Variants in TFB2M observed in about 807,000 individuals in gnomAD.
TFB2M encodes dimethyladenosine transferase 2, mitochondrial.
A neutral mutation model predicts 41.3 loss-of-function variants in TFB2M; 44 were observed. The ratio of observed to expected loss-of-function variants is 1.07; its 90% CI spans 0.84 to 1.37. The LOEUF (loss-of-function observed/expected upper bound fraction) is 1.37, where lower values mean the gene tolerates loss of function less well. Ranked by LOEUF, TFB2M falls within the 40% of genes most tolerant of loss-of-function variation. TFB2M has a pLI of 0.00. For missense variants in TFB2M, 496 were observed against 490.2 expected (o/e 1.01, Z -0.11); for synonymous variants, 188 against 176.8 (o/e 1.06, Z -0.50).
rs186841457 is a variant in TFB2M at position 246,555,172 on chromosome 1, C to G, written c.705+1401G>C. The stretch of plus-strand genomic sequence containing the variant: ...TTCATACCATTAGGAGAGGTATTAC[C>G]AAAAACCCAGAAAACGACTCTCAGT... On this transcript the variant is annotated intron_variant, in intron 4 of 7. Transcript: ENST00000366514. 7.2e-3 allele frequency among the ~76,000 whole-genome samples: 1,096 copies of G among 151,406 alleles called. 12 individuals carry two copies. The highest frequency in any genetic ancestry group is 0.025 in the African/African-American group (1,028 of 41,334).
intron 4 of TFB2M, among the ~76,000 whole-genome samples, chr1:246,556,166 A>G (rs1199549512): frequency 3.9e-5 from 6 of 152,228 alleles, no homozygotes; most frequent in African/African-American, 4.8e-5. Flanking sequence ...CCTTGAAAAC[A>G]TTATGCTAAG....
At position 246,564,414 on chromosome 1, in the gene TFB2M, C is replaced by A. The variant is rs772156827; in HGVS notation, c.334G>T (p.Ala112Ser). ...ACTTTGGCACCAGCTTCAAGTAATG[C>A]CTGAGTCAGGATTCCAGGACCTGGC... ...CNPGPGILTQALLEAGAKVVA... is the reference protein window; with the variant it reads ...CNPGPGILTQSLLEAGAKVVA... Residue 112 changes from alanine to serine, a missense_variant, in exon 2 of 8, where the codon GCA becomes TCA. By Grantham distance (99) the Ala-to-Ser change is moderately conservative. Coordinates refer to ENST00000366514, the MANE Select transcript of TFB2M (RefSeq NM_022366.3). The A allele has an allele frequency of 2.5e-6, 4 of 1,614,096 alleles. No individual in the cohort carries two copies. The highest frequency in any genetic ancestry group is 3.4e-6 in the Non-Finnish European group (4 of 1,179,988).
chr1:246,544,967 G>A (rs1041977870), intron 6 of TFB2M, among the ~76,000 whole-genome samples: 11 of 151,940 alleles, frequency 7.2e-5, no homozygotes, highest in South Asian at 4.2e-4. Flanking sequence ...CACCACGCCT[G>A]GCTAATTTTT....
In TFB2M at chr1:246,562,967, C is replaced by G. The variant is rs1322051249; in HGVS notation, c.402+1379G>C. On this transcript the variant is annotated intron_variant, in intron 2 of 7. Coordinates refer to ENST00000366514, the MANE Select transcript of TFB2M (RefSeq NM_022366.3). ...GCCACCGCGCCCGGCCCACAGGAAA[C>G]ATTTTTAAAAGCCGGCCGGCAGAAT... Among the ~76,000 whole-genome samples the G allele has an allele frequency of 2.0e-5, 3 of 152,090 alleles. No homozygotes were observed. The East Asian group carries it at 5.8e-4, about 29-fold the overall frequency.
intron 2 of TFB2M, among the ~76,000 whole-genome samples, chr1:246,560,179 T>C (rs1225449789): frequency 1.3e-5 from 2 of 152,176 alleles, no homozygotes; most frequent in African/African-American, 4.8e-5. Context: ...CAGGGTGGCC[T>C]AGGCAAACCA....
intron 7 of TFB2M, 111 bp from the exon 8 acceptor site, chr1:246,541,313 C>T (rs1416587649): frequency 9.8e-7 from 1 of 1,020,542 alleles, no homozygotes; most frequent in African/African-American, 1.6e-5. Context: ...CTTAGGCATA[C>T]AGAGTGCTAT....
At chr1:246,548,423 G>T in intron 6 of TFB2M, 122 bp downstream of exon 6, 2 of 762,086 alleles carry the variant, frequency 2.6e-6, no homozygotes, top group Non-Finnish European at 4.0e-6. Flanking sequence ...TATGTTTAAA[G>T]AATGTTTCTA....
In TFB2M at chr1:246,566,210, C is replaced by G; in HGVS notation, c.-72G>C. 1 of 1,482,148 alleles carries G rather than the reference C, an allele frequency of 6.7e-7. No homozygotes were observed. The highest frequency in any genetic ancestry group is 2.3e-5 in the East Asian group (1 of 43,338). The allele number at this position is 1,482,148 out of a possible 1,614,324, so 91.8% of individuals were successfully genotyped here. On this transcript the variant is annotated 5_prime_UTR_variant, in exon 1 of 8. Coordinates refer to ENST00000366514, the MANE Select transcript of TFB2M (RefSeq NM_022366.3). ...TACAGTGAACCCCACGCAGGGTATC[C>G]CACGTGGAACATTTTCTGGCGTCCG... is the stretch of plus-strand genomic sequence containing the variant.
chr1:246,565,190 C>T (rs1016014385), intron 1 of TFB2M, among the ~76,000 whole-genome samples: 1 of 152,218 alleles, frequency 6.6e-6, no homozygotes, highest in African/African-American at 2.4e-5. Flanking sequence ...ATCTTGTGTT[C>T]TTAGCATCCT....
At chr1:246,552,929 A>G (rs1054549135) in intron 4 of TFB2M, among the ~76,000 whole-genome samples, 4 of 151,002 alleles carry the variant, frequency 2.6e-5, no homozygotes, top group African/African-American at 9.8e-5. Context: ...AAAGGGAGGG[A>G]AAAAAAACCT....
At position 246,565,279 on chromosome 1, in the gene TFB2M, GGAGAT is replaced by G. The variant is rs1043655532; in HGVS notation, c.313+542_313+546del. On this transcript the variant is annotated intron_variant, in intron 1 of 7. Coordinates refer to ENST00000366514, the MANE Select transcript of TFB2M (RefSeq NM_022366.3). The stretch of plus-strand genomic sequence containing the variant: ...TGGCAGAGGCTTGCAACTCTTTTGG[GGAGAT>G]AAGATCTAAGAGCATGTTTTATCAA... Among the ~76,000 whole-genome samples, 33 of 152,196 alleles carry G rather than the reference GGAGAT, an allele frequency of 2.2e-4. 1 individual carries two copies. Among genetic ancestry groups the G allele is most frequent in the Admixed American group, 1.6e-3 (24 of 15,284 alleles).
chr1:246,542,041 A>G (rs2102981763), intron 7 of TFB2M, among the ~76,000 whole-genome samples: 1 of 152,318 alleles, frequency 6.6e-6, no homozygotes, highest in South Asian at 2.1e-4. Flanking sequence ...TATATGGCAT[A>G]GCCTATTGCT....
chr1:246,541,349 A>T lies in TFB2M; in HGVS notation c.1020-147T>A, dbSNP rs1658850689. ...AATGGACACGGGAGAATCAGCAGGG[A>T]AGAGGATGGGAGGAGGGTGAAGGAT... On this transcript the variant is annotated intron_variant, in intron 7 of 7. Coordinates refer to ENST00000366514, the MANE Select transcript of TFB2M (RefSeq NM_022366.3). The T allele has an allele frequency of 8.3e-6, 6 of 726,872 alleles. No homozygotes were observed. In the South Asian group the frequency reaches 9.7e-5, roughly 12 times the overall value. 45.0% of individuals were successfully genotyped at this position (726,872 alleles called of 1,614,324 possible).
chr1:246,551,418 T>C, intron 4 of TFB2M, 116 bp from the exon 5 acceptor site: 1 of 747,788 alleles, frequency 1.3e-6, no homozygotes, highest in South Asian at 1.8e-5. Context: ...AAAAGAAAAC[T>C]AGAATTAGAT....
At chr1:246,562,635 A>C (rs1215148117) in intron 2 of TFB2M, among the ~76,000 whole-genome samples, 1 of 152,186 alleles carries the variant, frequency 6.6e-6, no homozygotes, top group Non-Finnish European at 1.5e-5. Flanking sequence ...AACCACTGTT[A>C]ATAAGGCAGA....
intron 6 of TFB2M, among the ~76,000 whole-genome samples, chr1:246,545,085 C>G (rs560505516): frequency 6.6e-6 from 1 of 152,030 alleles, no homozygotes; most frequent in East Asian, 1.9e-4. Context: ...GGATTACAGG[C>G]GTGAGCCACC....
Position 246,566,007 on chromosome 1 carries a change from G to A in TFB2M, c.132C>T (p.Leu44=). ...KHLPARNHCG[L]SDSSPQLWPE... ...GCCACAGCTGCGGAGAGGAGTCAGA[G>A]AGCCCACAGTGGTTCCTCGCCGGCA... Residue 44 remains leucine (L), a synonymous_variant, in exon 1 of 8, where the codon CTC becomes CTT. Coordinates refer to ENST00000366514, the MANE Select transcript of TFB2M (RefSeq NM_022366.3). 6.2e-7 allele frequency: 1 copy of A among 1,614,210 alleles called. No individual in the cohort carries two copies. The highest frequency in any genetic ancestry group is 8.5e-7 in the Non-Finnish European group (1 of 1,180,042).
At chr1:246,565,746 C>T in intron 1 of TFB2M, 80 bp downstream of exon 1, 1 of 1,459,300 alleles carries the variant, frequency 6.9e-7, no homozygotes, top group Non-Finnish European at 9.3e-7. Context: ...CCCCCAGTAT[C>T]TAAAATAGCA....
At chr1:246,551,346 A>C in intron 4 of TFB2M, 44 bp from the exon 5 acceptor site, 1 of 1,340,472 alleles carries the variant, frequency 7.5e-7, no homozygotes, top group African/African-American at 1.4e-5. Flanking sequence ...CACATCTATA[A>C]TCAATTAAAA....
Sources: allele counts gnomAD v4.1 joint callset (sites outside exome capture counted in the v4.1 genomes callset), GRCh38; gene constraint gnomAD v4.1.1; transcripts MANE v1.5; gene names NCBI Gene and HGNC (gene_info 2026-07-23, HGNC 2026-07-21).